Variants in CA10 observed in about 807,000 individuals in gnomAD.
CA10 encodes the protein carbonic anhydrase 10 (inactive).
In CA10, 14 loss-of-function variants were observed where a neutral mutation model predicts 44.2. That is an observed-to-expected ratio of 0.32 (90% CI 0.21 to 0.50). The LOEUF (loss-of-function observed/expected upper bound fraction) is 0.50, where lower values mean the gene tolerates loss of function less well. Ranked by LOEUF, CA10 falls within the 20% of genes least tolerant of loss-of-function variation. The probability of loss-of-function intolerance (pLI) is 0.99; values close to 1 mark genes in which losing one functional copy is unlikely to be tolerated. For missense variants in CA10, 350 were observed against 409.7 expected, an observed-to-expected ratio of 0.85 and a Z score of 1.26; for synonymous variants, 159 against 141.6, an observed-to-expected ratio of 1.12 and a Z score of -0.87.
At chr17:52,071,618 C>T (rs969866732) in intron 2 of CA10, among the ~76,000 whole-genome samples, 2 of 152,168 alleles carry the variant, frequency 1.3e-5, no homozygotes, top group Admixed American at 6.5e-5. Flanking sequence ...TTCTTATTCT[C>T]ACATCTGAGC....
rs1398969267 is a variant in CA10 at position 51,630,375 on chromosome 17, C to T, written c.*1209G>A. 2.0e-5 allele frequency: 3 copies of T among 152,518 alleles called. No individual in the cohort carries two copies. The highest frequency in any genetic ancestry group is 4.4e-5 in the Non-Finnish European group (3 of 68,036). The allele number at this position is 152,518 out of a possible 1,614,324, so 9.4% of individuals were successfully genotyped here. ...GACAGTAACCAAACACAGTGAGTGACCATTATAAACAAGAAAAGAAAGGCA... is the reference window on the plus strand; with the variant it reads ...GACAGTAACCAAACACAGTGAGTGATCATTATAAACAAGAAAAGAAAGGCA... On this transcript the variant is annotated 3_prime_UTR_variant, in exon 9 of 9. Transcript: ENST00000451037.
At chr17:51,951,568 T>A (rs1008920779) in intron 2 of CA10, among the ~76,000 whole-genome samples, 1 of 152,144 alleles carries the variant, frequency 6.6e-6, no homozygotes, top group Non-Finnish European at 1.5e-5. Context: ...AATGATTTTT[T>A]AAAAAAATGA....
At chr17:51,780,388 A>G (rs892828013) in intron 3 of CA10, among the ~76,000 whole-genome samples, 1 of 152,216 alleles carries the variant, frequency 6.6e-6, no homozygotes, top group African/African-American at 2.4e-5. Context: ...AAGATGAGAC[A>G]GCACATTTTC....
At chr17:52,108,432 C>T (rs1352691327) in intron 1 of CA10, among the ~76,000 whole-genome samples, 1 of 151,410 alleles carries the variant, frequency 6.6e-6, no homozygotes, top group South Asian at 2.1e-4. Context: ...GGCGCAGTGG[C>T]TCACGCCTGT....
intron 4 of CA10, among the ~76,000 whole-genome samples, chr17:51,693,659 A>C (rs1915296381): frequency 6.6e-6 from 1 of 152,190 alleles, no homozygotes; most frequent in South Asian, 2.1e-4. Flanking sequence ...ATATTCCTGC[A>C]AAAATCATGA....
intron 2 of CA10, among the ~76,000 whole-genome samples, chr17:51,956,248 T>C (rs1278068356): frequency 1.3e-5 from 2 of 152,130 alleles, no homozygotes; most frequent in Non-Finnish European, 2.9e-5. Flanking sequence ...TGATTCTAAT[T>C]CTTCCTACTC....
chr17:51,646,250 G>T lies in CA10; in HGVS notation c.634+2932C>A, dbSNP rs9905845. Reference sequence around the variant, plus strand: ...GTAAACTGGGGATGGCAATCATACCGCTCTGAAGGACTTCGTGAGCACTAG... The same window carrying T: ...GTAAACTGGGGATGGCAATCATACCTCTCTGAAGGACTTCGTGAGCACTAG... On this transcript the variant is annotated intron_variant, in intron 6 of 8. Coordinates refer to ENST00000451037, the MANE Select transcript of CA10 (RefSeq NM_020178.5). Among the ~76,000 whole-genome samples, 1,442 of 152,198 alleles carry T rather than the reference G, an allele frequency of 9.5e-3. 19 individuals are homozygous for T. The highest frequency in any genetic ancestry group is 0.033 in the African/African-American group (1,350 of 41,516).
intron 2 of CA10, among the ~76,000 whole-genome samples, chr17:52,011,216 T>C (rs746247015): frequency 1.0e-4 from 15 of 145,712 alleles, no homozygotes; most frequent in Non-Finnish European, 2.1e-4. Flanking sequence ...TTATGATCCT[T>C]TATCATAATC....
intron 4 of CA10, among the ~76,000 whole-genome samples, chr17:51,701,360 C>T (rs1017483369): frequency 6.6e-6 from 1 of 152,184 alleles, no homozygotes; most frequent in African/African-American, 2.4e-5. Flanking sequence ...TTAGTCTTAA[C>T]TTGATTAAGT....
intron 4 of CA10, among the ~76,000 whole-genome samples, chr17:51,679,263 T>C (rs1451167265): frequency 8.5e-6 from 1 of 117,690 alleles, no homozygotes; most frequent in Non-Finnish European, 1.8e-5. Context: ...TTTTTCTTTC[T>C]CTTTTTTTTT....
At chr17:52,104,027 C>G (rs532429645) in intron 1 of CA10, among the ~76,000 whole-genome samples, 1 of 152,136 alleles carries the variant, frequency 6.6e-6, no homozygotes, top group Admixed American at 6.5e-5. Context: ...ATTCCATTTG[C>G]GATCCATAAA....
intron 3 of CA10, among the ~76,000 whole-genome samples, chr17:51,775,109 G>T (rs1905769108): frequency 6.6e-6 from 1 of 152,110 alleles, no homozygotes; most frequent in African/African-American, 2.4e-5. Flanking sequence ...CCTCTAAAGG[G>T]GGAGGGGCAT....
chr17:52,087,690 C>T (rs1194427383), intron 1 of CA10, among the ~76,000 whole-genome samples: 2 of 152,082 alleles, frequency 1.3e-5, no homozygotes, highest in Non-Finnish European at 2.9e-5. Flanking sequence ...TTATCTTATA[C>T]AGAAATTATT....
intron 3 of CA10, among the ~76,000 whole-genome samples, chr17:51,797,923 C>T (rs915836502): frequency 1.3e-5 from 2 of 151,110 alleles, no homozygotes; most frequent in Non-Finnish European, 1.5e-5. Context: ...CACACATCCA[C>T]GACTAGCATC....
At chr17:51,770,913 C>T (rs1905582491) in intron 3 of CA10, among the ~76,000 whole-genome samples, 1 of 151,830 alleles carries the variant, frequency 6.6e-6, no homozygotes, top group Non-Finnish European at 1.5e-5. Flanking sequence ...ATCACGAGGT[C>T]AAGAGATCGA....
chr17:51,967,736 C>T (rs1256423559), intron 2 of CA10, among the ~76,000 whole-genome samples: 1 of 151,630 alleles, frequency 6.6e-6, no homozygotes, highest in Non-Finnish European at 1.5e-5. Context: ...CTGTCAGGTC[C>T]TACCTTGGTG....
intron 4 of CA10, among the ~76,000 whole-genome samples, chr17:51,717,979 CATT>C (rs1005194629): frequency 6.8e-6 from 1 of 147,582 alleles, no homozygotes; most frequent in Non-Finnish European, 1.5e-5. Context: ...AATGGAAAAT[CATT>C]GTATGTTCTC....
intron 1 of CA10, among the ~76,000 whole-genome samples, chr17:52,078,307 A>G (rs1371112258): frequency 6.6e-6 from 1 of 152,212 alleles, no homozygotes; most frequent in African/African-American, 2.4e-5. Context: ...TCACAAAGGG[A>G]TCCAGTTGGG....
At chr17:51,997,031 G>T (rs931447171) in intron 2 of CA10, among the ~76,000 whole-genome samples, 1 of 152,050 alleles carries the variant, frequency 6.6e-6, no homozygotes, top group African/African-American at 2.4e-5. Context: ...ACAGATATTA[G>T]ATTGTACCTT....
Sources: allele counts gnomAD v4.1 joint callset (sites outside exome capture counted in the v4.1 genomes callset), GRCh38; gene constraint gnomAD v4.1.1; transcripts MANE v1.5; gene names NCBI Gene and HGNC (gene_info 2026-07-23, HGNC 2026-07-21).